The following ROCK2 variants were observed in gnomAD, a reference collection of about 807,000 sequenced individuals.
ROCK2 encodes rho-associated protein kinase 2.
A neutral mutation model predicts 195.1 loss-of-function variants in ROCK2; 61 were observed. The observed-to-expected ratio is 0.31, with a 90% confidence interval of 0.25 to 0.39. ROCK2 has a LOEUF of 0.39. Ranked by LOEUF, ROCK2 falls within the 10% of genes least tolerant of loss-of-function variation. The pLI is 1.00. For missense variants in ROCK2, 1,109 were observed against 1,637.4 expected, an observed-to-expected ratio of 0.68 and a Z score of 5.57; for synonymous variants, 504 against 545.5, an observed-to-expected ratio of 0.92 and a Z score of 1.06.
At chr2:11,322,230 CA>C (rs1394483322) in intron 1 of ROCK2, among the ~76,000 whole-genome samples, 1 of 152,040 alleles carries the variant, frequency 6.6e-6, no homozygotes, top group Non-Finnish European at 1.5e-5. Flanking sequence ...GAATACTACA[CA>C]AAACTATCTT....
chr2:11,194,647 T>TAGTAAC (rs1663558251), intron 28 of ROCK2, among the ~76,000 whole-genome samples: 1 of 152,024 alleles, frequency 6.6e-6, no homozygotes, highest in Admixed American at 6.6e-5. Context: ...TCAATAATCA[T>TAGTAAC]AGTAACAGAG....
chr2:11,312,932 T>C (rs1019923142), intron 1 of ROCK2, among the ~76,000 whole-genome samples: 1 of 151,970 alleles, frequency 6.6e-6, no homozygotes, highest in Non-Finnish European at 1.5e-5. Context: ...AAACTAGAGA[T>C]AGCAAAAAGC....
chr2:11,301,550 G>T (rs961906361), intron 1 of ROCK2, among the ~76,000 whole-genome samples: 1 of 151,988 alleles, frequency 6.6e-6, no homozygotes. Flanking sequence ...GCTGAGGCAG[G>T]CAGATCACCT....
intron 1 of ROCK2, among the ~76,000 whole-genome samples, chr2:11,296,013 A>AGGGG (rs1558369978): frequency 1.3e-5 from 1 of 77,826 alleles, no homozygotes; most frequent in African/African-American, 4.5e-5. Flanking sequence ...GAGGAGAGAG[A>AGGGG]GAGAGAGAGA....
intron 1 of ROCK2, among the ~76,000 whole-genome samples, chr2:11,317,573 CATTT>C (rs1668235550): frequency 2.0e-5 from 1 of 49,778 alleles, no homozygotes; most frequent in African/African-American, 9.2e-5. Flanking sequence ...CTGATCTACA[CATTT>C]ATATATATAT....
At chr2:11,225,571 C>T (rs1207856437) in intron 6 of ROCK2, among the ~76,000 whole-genome samples, 2 of 151,978 alleles carry the variant, frequency 1.3e-5, no homozygotes, top group African/African-American at 2.4e-5. Flanking sequence ...AGCTCCTGGG[C>T]TCAAGTGATC....
intron 1 of ROCK2, among the ~76,000 whole-genome samples, chr2:11,300,331 C>T (rs767211605): frequency 1.3e-5 from 2 of 152,156 alleles, no homozygotes; most frequent in Non-Finnish European, 2.9e-5. Flanking sequence ...GACGTGATCT[C>T]AGCTCAATGC....
At chr2:11,325,943 A>G (rs1176527752) in intron 1 of ROCK2, among the ~76,000 whole-genome samples, 2 of 152,226 alleles carry the variant, frequency 1.3e-5, no homozygotes, top group African/African-American at 4.8e-5. Context: ...GATAACAGAC[A>G]CTAGATTTTT....
At chr2:11,217,404 C>A in intron 11 of ROCK2, 1 of 575,634 alleles carries the variant, frequency 1.7e-6, no homozygotes, top group Non-Finnish European at 3.2e-6. Flanking sequence ...TGTAACCATG[C>A]ATAAGAAGCT....
intron 1 of ROCK2, among the ~76,000 whole-genome samples, chr2:11,301,293 T>C (rs1374563372): frequency 6.6e-6 from 1 of 152,242 alleles, no homozygotes; most frequent in East Asian, 1.9e-4. Flanking sequence ...TTTTCAATGA[T>C]GGGATACAAG....
chr2:11,248,413 T>C (rs560226868), intron 4 of ROCK2, among the ~76,000 whole-genome samples: 1 of 151,798 alleles, frequency 6.6e-6, no homozygotes, highest in South Asian at 2.1e-4. Context: ...AATATAATAG[T>C]AACGAAGGCA....
At chr2:11,243,758 T>C (rs571562862) in intron 4 of ROCK2, among the ~76,000 whole-genome samples, 6 of 152,272 alleles carry the variant, frequency 3.9e-5, no homozygotes, top group African/African-American at 1.2e-4. Flanking sequence ...TAACTAAATG[T>C]AATGTGGCAT....
intron 4 of ROCK2, among the ~76,000 whole-genome samples, chr2:11,245,468 T>C (rs976589672): frequency 1.3e-5 from 2 of 152,084 alleles, no homozygotes; most frequent in Admixed American, 6.6e-5. Context: ...AAAGAGAACA[T>C]CTATTGTACA....
At position 11,257,164 on chromosome 2, in the gene ROCK2, G is replaced by A. The variant is rs545921692; in HGVS notation, c.325-7366C>T. Among the ~76,000 whole-genome samples the A allele has an allele frequency of 6.6e-5, 10 of 151,658 alleles. No individual in the cohort carries two copies. The South Asian group carries it at 1.4e-3, about 22-fold the overall frequency. On this transcript the variant is annotated intron_variant, in intron 3 of 32. Coordinates refer to ENST00000315872, the MANE Select transcript of ROCK2 (RefSeq NM_004850.5). Reference sequence around the variant, plus strand: ...GGAGGTTAGCCTAGGCAGCTACAGTGGTGGAGGAGCAGGGGCTGGTATGCG... The same window carrying A: ...GGAGGTTAGCCTAGGCAGCTACAGTAGTGGAGGAGCAGGGGCTGGTATGCG...
intron 4 of ROCK2, among the ~76,000 whole-genome samples, chr2:11,236,985 T>C (rs1665232419): frequency 6.6e-6 from 1 of 152,016 alleles, no homozygotes; most frequent in Non-Finnish European, 1.5e-5. Context: ...ACCCCGTCTC[T>C]ACTAAAACTA....
At chr2:11,208,491 A>G in intron 18 of ROCK2, 44 bp from the exon 19 acceptor site, 1 of 922,282 alleles carries the variant, frequency 1.1e-6, no homozygotes, top group Non-Finnish European at 1.5e-6. Context: ...TACAAATAAA[A>G]GAAGCATATC....
chr2:11,243,949 A>C (rs1008953489), intron 4 of ROCK2, among the ~76,000 whole-genome samples: 1 of 152,198 alleles, frequency 6.6e-6, no homozygotes, highest in East Asian at 1.9e-4. Flanking sequence ...TACAACTTTA[A>C]AAAACAATCA....
At chr2:11,285,052 C>T (rs1369070613) in intron 3 of ROCK2, among the ~76,000 whole-genome samples, 3 of 152,032 alleles carry the variant, frequency 2.0e-5, no homozygotes, top group African/African-American at 4.8e-5. Context: ...CACCTGAGGT[C>T]GGGAGTTCAA....
intron 3 of ROCK2, among the ~76,000 whole-genome samples, chr2:11,254,349 G>A (rs6744190): frequency 0.024 from 3,655 of 152,246 alleles, 174 homozygotes; most frequent in African/African-American, 0.084. Context: ...ATAATTGCAT[G>A]TTTCTGCTGA....
Sources: gnomAD v4.1 joint callset for allele counts (sites outside exome capture counted in the v4.1 genomes callset) on GRCh38, gnomAD v4.1.1 for gene constraint, MANE v1.5 for transcripts, NCBI Gene and HGNC (gene_info 2026-07-23, HGNC 2026-07-21) for gene names.